TMC1: variants seen among roughly 807,000 people sequenced by gnomAD.
TMC1 encodes transmembrane channel-like protein 1.
In TMC1, 84 loss-of-function variants were observed where a neutral mutation model predicts 105.8. That is an observed-to-expected ratio of 0.79 (90% confidence interval 0.67 to 0.95). The LOEUF (loss-of-function observed/expected upper bound fraction) is 0.95. Ranked by LOEUF, TMC1 falls within the 40% of genes least tolerant of loss-of-function variation. TMC1 has a pLI of 0.00. For missense variants in TMC1, 817 were observed against 914.1 expected (o/e 0.89, Z 1.37); for synonymous variants, 315 against 311.5 (o/e 1.01, Z -0.12).
chr9:72,656,311 G>T (rs1053008613), intron 5 of TMC1: 2 of 199,244 alleles, frequency 1.0e-5, no homozygotes, highest in Non-Finnish European at 2.1e-5. Context: ...CTTCAAAGAG[G>T]TGTTTCATGT....
At chr9:72,709,259 T>G (rs1457180031) in intron 8 of TMC1, among the ~76,000 whole-genome samples, 1 of 152,320 alleles carries the variant, frequency 6.6e-6, no homozygotes, top group Admixed American at 6.5e-5. Flanking sequence ...TTGGATTTGG[T>G]TAGCTAGTAT....
intron 1 of TMC1, among the ~76,000 whole-genome samples, chr9:72,530,844 G>T (rs7865757): frequency 2.1e-5 from 3 of 144,352 alleles, no homozygotes; most frequent in East Asian, 2.1e-4. Context: ...TTTTTGAGGT[G>T]GAGTCTTACT....
intron 1 of TMC1, among the ~76,000 whole-genome samples, chr9:72,550,431 G>A (rs149258093): frequency 1.3e-3 from 203 of 151,378 alleles, no homozygotes; most frequent in Middle Eastern, 0.01. Flanking sequence ...TCGTGCCACT[G>A]CACTCTAGCC....
chr9:72,595,452 T>C (rs1375428433), intron 2 of TMC1, among the ~76,000 whole-genome samples: 1 of 152,172 alleles, frequency 6.6e-6, no homozygotes. Flanking sequence ...GTGGATTTAA[T>C]TATGAGGGAA....
intron 1 of TMC1, among the ~76,000 whole-genome samples, chr9:72,569,933 C>G (rs977428274): frequency 1.3e-5 from 2 of 152,026 alleles, no homozygotes; most frequent in Admixed American, 6.6e-5. Context: ...GATAGCTTAA[C>G]TAAGGTGGTA....
intron 5 of TMC1, chr9:72,651,417 GA>G (rs1825813234): frequency 6.6e-6 from 1 of 152,070 alleles, no homozygotes; most frequent in South Asian, 2.1e-4. Flanking sequence ...TCCATGGTGT[GA>G]TGTTTTAGCC....
chr9:72,653,621 CTT>C (rs2132154586), intron 5 of TMC1, among the ~76,000 whole-genome samples: 1 of 152,254 alleles, frequency 6.6e-6, no homozygotes, highest in South Asian at 2.1e-4. Flanking sequence ...CCTTAGTATA[CTT>C]TAGGCACAAT....
At chr9:72,608,390 T>C (rs546198547) in intron 2 of TMC1, among the ~76,000 whole-genome samples, 59 of 152,078 alleles carry the variant, frequency 3.9e-4, no homozygotes, top group Non-Finnish European at 8.1e-4. Flanking sequence ...TATTTTAAGG[T>C]TTCATGTCTA....
chr9:72,756,303 C>T (rs1827675864), intron 12 of TMC1, among the ~76,000 whole-genome samples: 1 of 152,126 alleles, frequency 6.6e-6, no homozygotes, highest in African/African-American at 2.4e-5. Flanking sequence ...AGATGCTGTG[C>T]ACAAAGTTAG....
chr9:72,563,638 C>T (rs1824095237), intron 1 of TMC1, among the ~76,000 whole-genome samples: 1 of 152,032 alleles, frequency 6.6e-6, no homozygotes, highest in Admixed American at 6.6e-5. Context: ...GTGGCTCATG[C>T]CTGTAATCCA....
At chr9:72,724,001 T>C (rs147753063) in intron 8 of TMC1, among the ~76,000 whole-genome samples, 1 of 152,308 alleles carries the variant, frequency 6.6e-6, no homozygotes, top group African/African-American at 2.4e-5. Flanking sequence ...TTAAATCATC[T>C]TGAGGTTCTG....
intron 3 of TMC1, among the ~76,000 whole-genome samples, chr9:72,621,500 A>C (rs940422196): frequency 1.3e-5 from 2 of 152,220 alleles, no homozygotes; most frequent in African/African-American, 4.8e-5. Flanking sequence ...TCAAGAATCA[A>C]ATGTTGCTTG....
At chr9:72,582,363 A>T (rs1824489085) in intron 2 of TMC1, among the ~76,000 whole-genome samples, 1 of 152,216 alleles carries the variant, frequency 6.6e-6, no homozygotes, top group Non-Finnish European at 1.5e-5. Flanking sequence ...TCTGTACGAT[A>T]ATTTACTTAG....
intron 17 of TMC1, among the ~76,000 whole-genome samples, chr9:72,798,344 A>T (rs937282279): frequency 6.6e-6 from 1 of 152,186 alleles, no homozygotes; most frequent in African/African-American, 2.4e-5. Flanking sequence ...CTATCATTCA[A>T]CCCAGTCATC....
chr9:72,680,100 A>G (rs114431174), intron 5 of TMC1, among the ~76,000 whole-genome samples: 9,523 of 152,144 alleles, frequency 0.063, 688 homozygotes, highest in African/African-American at 0.17. Flanking sequence ...CTAACAAACC[A>G]TCTGGTGCTA....
chr9:72,777,528 A>C (rs549572637), intron 13 of TMC1, among the ~76,000 whole-genome samples: 1 of 152,306 alleles, frequency 6.6e-6, no homozygotes, highest in African/African-American at 2.4e-5. Flanking sequence ...AAATCCCACA[A>C]AACATATGGT....
chr9:72,662,713 C>G (rs1170272108), intron 5 of TMC1, among the ~76,000 whole-genome samples: 1 of 151,892 alleles, frequency 6.6e-6, no homozygotes, highest in Non-Finnish European at 1.5e-5. Flanking sequence ...GTTGCTTTTT[C>G]AAGAAAAAAA....
intron 10 of TMC1, among the ~76,000 whole-genome samples, chr9:72,744,660 G>A (rs539603751): frequency 6.6e-6 from 1 of 152,192 alleles, no homozygotes; most frequent in Non-Finnish European, 1.5e-5. Context: ...TTATAAAATT[G>A]TAGGGCTGAG....
At chr9:72,563,793 G>T (rs540811033) in intron 1 of TMC1, among the ~76,000 whole-genome samples, 1 of 151,254 alleles carries the variant, frequency 6.6e-6, no homozygotes, top group Non-Finnish European at 1.5e-5. Flanking sequence ...CCAGCTATTC[G>T]GGAGGCTGAG....
Sources: gnomAD v4.1 joint callset for allele counts (sites outside exome capture counted in the v4.1 genomes callset) on GRCh38, gnomAD v4.1.1 for gene constraint, MANE v1.5 for transcripts, NCBI Gene and HGNC (gene_info 2026-07-23, HGNC 2026-07-21) for gene names.